The following MAGI2 variants were observed in gnomAD, a reference collection of about 807,000 sequenced individuals.
MAGI2 encodes membrane-associated guanylate kinase, WW and PDZ domain-containing protein 2.
MAGI2 carries 35 observed loss-of-function variants against 133.3 expected under a neutral mutation model. The ratio of observed to expected loss-of-function variants is 0.26; its 90% CI spans 0.20 to 0.35. MAGI2 has a LOEUF of 0.35. MAGI2 is among the 10% of genes least tolerant of loss of function. The pLI, the probability that MAGI2 is intolerant of heterozygous loss-of-function variation, is 1.00. For synonymous variants in MAGI2, 729 were observed against 710.6 expected (o/e 1.03, Z -0.41); for missense variants, 1,636 against 1,863.4 (o/e 0.88, Z 2.25).
At chr7:78,092,638 C>T (rs1817312868) in intron 20 of MAGI2, among the ~76,000 whole-genome samples, 1 of 152,094 alleles carries the variant, frequency 6.6e-6, no homozygotes, top group African/African-American at 2.4e-5. Flanking sequence ...AAACATAAAG[C>T]TTTCTTAAAT....
intron 2 of MAGI2, among the ~76,000 whole-genome samples, chr7:78,773,264 T>C (rs993884643): frequency 1.3e-5 from 2 of 152,202 alleles, no homozygotes; most frequent in South Asian, 4.1e-4. Flanking sequence ...GTATTTTCTA[T>C]TAAAAACAGA....
chr7:78,372,153 A>G (rs1193761036), intron 6 of MAGI2, among the ~76,000 whole-genome samples: 2 of 152,150 alleles, frequency 1.3e-5, no homozygotes, highest in Non-Finnish European at 2.9e-5. Flanking sequence ...TTTTGCTTCA[A>G]AAACAAAGAT....
chr7:78,759,596 A>G (rs1050811615), intron 2 of MAGI2, among the ~76,000 whole-genome samples: 1 of 152,210 alleles, frequency 6.6e-6, no homozygotes, highest in Non-Finnish European at 1.5e-5. Context: ...AAGAATTTGA[A>G]TGTCATGTTG....
chr7:78,618,251 G>A (rs1182878215), intron 3 of MAGI2: 1 of 151,836 alleles, frequency 6.6e-6, no homozygotes, highest in African/African-American at 2.4e-5. Context: ...AAAAACGGTT[G>A]GAATCAATTT....
intron 20 of MAGI2, among the ~76,000 whole-genome samples, chr7:78,085,958 G>C (rs1437002148): frequency 6.6e-6 from 1 of 152,184 alleles, no homozygotes; most frequent in African/African-American, 2.4e-5. Flanking sequence ...GCTGGCTTTA[G>C]CAAAGATTTA....
intron 21 of MAGI2, among the ~76,000 whole-genome samples, chr7:78,039,306 A>C (rs1214006105): frequency 6.6e-6 from 1 of 152,256 alleles, no homozygotes; most frequent in Non-Finnish European, 1.5e-5. Context: ...ATAAGCATTT[A>C]TTCAGTGCCT....
At chr7:79,083,073 G>A (rs114446894) in intron 1 of MAGI2, among the ~76,000 whole-genome samples, 1 of 151,278 alleles carries the variant, frequency 6.6e-6, no homozygotes, top group Non-Finnish European at 1.5e-5. Flanking sequence ...TCATGTGTTT[G>A]TGTGTGTGTA....
At chr7:79,292,076 T>G (rs1836529302) in intron 1 of MAGI2, among the ~76,000 whole-genome samples, 1 of 152,312 alleles carries the variant, frequency 6.6e-6, no homozygotes, top group Non-Finnish European at 1.5e-5. Context: ...TAGTTAATTT[T>G]TATATGTGAT....
In MAGI2 at chr7:79,373,460, T is replaced by C. The variant is rs185007403; in HGVS notation, c.301+79560A>G. Reference sequence around the variant, plus strand: ...TAACATGTCTTCTGCTAAAAATAATTATGTATAAGAAGAATTATCTATTAA... The same window carrying C: ...TAACATGTCTTCTGCTAAAAATAATCATGTATAAGAAGAATTATCTATTAA... On this transcript the variant is annotated intron_variant, in intron 1 of 21. Coordinates refer to ENST00000354212, the MANE Select transcript of MAGI2 (RefSeq NM_012301.4). 5.9e-5 allele frequency among the ~76,000 whole-genome samples: 9 copies of C among 152,064 alleles called. No individual in the cohort carries two copies. In the East Asian group the frequency reaches 1.5e-3, roughly 26 times the overall value.
chr7:78,942,989 A>T (rs923498440), intron 2 of MAGI2, among the ~76,000 whole-genome samples: 11 of 152,086 alleles, frequency 7.2e-5, no homozygotes, highest in Non-Finnish European at 1.3e-4. Context: ...CCTCAATATT[A>T]TCATACTTAG....
At chr7:78,481,054 T>C (rs56139883) in intron 6 of MAGI2, among the ~76,000 whole-genome samples, 20,353 of 151,938 alleles carry the variant, frequency 0.13, 1,622 homozygotes, top group South Asian at 0.26. Context: ...TTTGTAGTTC[T>C]AGAAAAGCTT....
intron 20 of MAGI2, among the ~76,000 whole-genome samples, chr7:78,122,575 G>A (rs1451905428): frequency 1.3e-5 from 2 of 152,158 alleles, no homozygotes; most frequent in African/African-American, 2.4e-5. Flanking sequence ...ATGGTACCCA[G>A]CTGCAAGTGA....
At chr7:78,127,748 G>A (rs970139552) in intron 18 of MAGI2, among the ~76,000 whole-genome samples, 9 of 152,094 alleles carry the variant, frequency 5.9e-5, no homozygotes, top group African/African-American at 2.2e-4. Flanking sequence ...AGGGATTGAA[G>A]CACTGAACTA....
At chr7:78,570,296 G>T (rs550529200) in intron 3 of MAGI2, among the ~76,000 whole-genome samples, 47 of 152,274 alleles carry the variant, frequency 3.1e-4, no homozygotes, top group African/African-American at 8.9e-4. Flanking sequence ...CCTCTAAGTA[G>T]ATCTTGTAAA....
intron 2 of MAGI2, among the ~76,000 whole-genome samples, chr7:78,893,247 T>A (rs572071472): frequency 3.9e-5 from 6 of 152,226 alleles, no homozygotes; most frequent in African/African-American, 7.2e-5. Flanking sequence ...CTGGAGAGGA[T>A]GTGGAGAAAC....
intron 2 of MAGI2, among the ~76,000 whole-genome samples, chr7:78,703,273 T>C (rs940449269): frequency 2.0e-5 from 3 of 152,066 alleles, no homozygotes; most frequent in African/African-American, 7.2e-5. Context: ...GAAGACAGTG[T>C]CTGTTTTGAA....
intron 7 of MAGI2, among the ~76,000 whole-genome samples, chr7:78,357,987 T>C (rs187900002): frequency 5.8e-4 from 88 of 150,456 alleles, no homozygotes; most frequent in African/African-American, 1.9e-3. Flanking sequence ...TGTTTAATGA[T>C]GTCATTTTTT....
intron 15 of MAGI2, among the ~76,000 whole-genome samples, chr7:78,164,073 A>T (rs901546884): frequency 6.6e-6 from 1 of 152,008 alleles, no homozygotes; most frequent in Non-Finnish European, 1.5e-5. Context: ...AGTCCTGCCC[A>T]CTCCCCAAGA....
chr7:78,777,518 C>T (rs1826078858), intron 2 of MAGI2, among the ~76,000 whole-genome samples: 1 of 152,132 alleles, frequency 6.6e-6, no homozygotes. Flanking sequence ...CTACCATCAC[C>T]ACCACTATCA....
Sources: allele counts gnomAD v4.1 joint callset (sites outside exome capture counted in the v4.1 genomes callset), GRCh38; gene constraint gnomAD v4.1.1; transcripts MANE v1.5; gene names NCBI Gene and HGNC (gene_info 2026-07-23, HGNC 2026-07-21).